PRKCA: variants seen among roughly 807,000 people sequenced by gnomAD.
The protein encoded by PRKCA is protein kinase C alpha, also known as protein kinase C alpha type.
A neutral mutation model predicts 87.0 loss-of-function variants in PRKCA; 27 were observed. The ratio of observed to expected loss-of-function variants is 0.31; its 90% confidence interval spans 0.23 to 0.43. PRKCA has a LOEUF of 0.43. Ranked by LOEUF, PRKCA falls within the 20% of genes least tolerant of loss-of-function variation. The probability of loss-of-function intolerance (pLI) is 1.00; values close to 1 mark genes in which losing one functional copy is unlikely to be tolerated. For synonymous variants in PRKCA, 329 were observed against 311.1 expected, an observed-to-expected ratio of 1.06 and a Z score of -0.61; for missense variants, 518 against 852.3, an observed-to-expected ratio of 0.61 and a Z score of 4.88.
At chr17:66,452,015 A>C (rs1011714232) in intron 2 of PRKCA, among the ~76,000 whole-genome samples, 5 of 152,198 alleles carry the variant, frequency 3.3e-5, no homozygotes, top group Non-Finnish European at 7.3e-5. Flanking sequence ...TTCCTCTACC[A>C]CAGCCTCCAG....
At chr17:66,435,421 G>A (rs370342612) in intron 2 of PRKCA, among the ~76,000 whole-genome samples, 3 of 152,346 alleles carry the variant, frequency 2.0e-5, no homozygotes, top group African/African-American at 4.8e-5. Flanking sequence ...GCGTTTTGTC[G>A]TGTGGGTGTG....
At chr17:66,620,316 T>C (rs1466976222) in intron 3 of PRKCA, among the ~76,000 whole-genome samples, 2 of 152,096 alleles carry the variant, frequency 1.3e-5, no homozygotes, top group African/African-American at 4.8e-5. Flanking sequence ...ACCAAAAACC[T>C]CCATTTCCAC....
intron 13 of PRKCA, among the ~76,000 whole-genome samples, chr17:66,749,367 C>T (rs1184059139): frequency 3.3e-5 from 5 of 151,940 alleles, no homozygotes; most frequent in African/African-American, 1.2e-4. Context: ...CCTCTCCATC[C>T]TCAGGCCAGT....
intron 3 of PRKCA, among the ~76,000 whole-genome samples, chr17:66,533,210 T>A (rs1396512024): frequency 6.6e-6 from 1 of 152,216 alleles, no homozygotes; most frequent in Non-Finnish European, 1.5e-5. Context: ...CCCCTTTTTA[T>A]AAATTTCATG....
intron 5 of PRKCA, among the ~76,000 whole-genome samples, chr17:66,685,166 A>AT (rs1387753382): frequency 6.6e-6 from 1 of 151,994 alleles, no homozygotes; most frequent in African/African-American, 2.4e-5. Flanking sequence ...CCATGGATTT[A>AT]TTTTTTCATT....
At chr17:66,688,466 T>C in intron 7 of PRKCA, 30 bp downstream of exon 7, 7 of 1,613,580 alleles carry the variant, frequency 4.3e-6, no homozygotes, top group Non-Finnish European at 5.9e-6. Flanking sequence ...TGAGTATGTC[T>C]CAAAGCATCA....
intron 5 of PRKCA, among the ~76,000 whole-genome samples, chr17:66,649,965 G>A (rs762397726): frequency 6.6e-6 from 1 of 152,184 alleles, no homozygotes; most frequent in Non-Finnish European, 1.5e-5. Context: ...GATTGAGAGA[G>A]TCAGAGGGCT....
intron 2 of PRKCA, among the ~76,000 whole-genome samples, chr17:66,418,918 A>AT (rs34806174): frequency 0.12 from 16,670 of 141,488 alleles, 1,139 homozygotes; most frequent in East Asian, 0.22. Flanking sequence ...CGCCCGGCTA[A>AT]TTTTTTTTTT....
At chr17:66,652,877 C>G (rs575110099) in intron 5 of PRKCA, among the ~76,000 whole-genome samples, 1 of 152,354 alleles carries the variant, frequency 6.6e-6, no homozygotes, top group Admixed American at 6.5e-5. Flanking sequence ...TGTCCATGGC[C>G]ACCAACGCCT....
At chr17:66,681,501 A>G (rs1972492008) in intron 5 of PRKCA, among the ~76,000 whole-genome samples, 1 of 152,164 alleles carries the variant, frequency 6.6e-6, no homozygotes, top group African/African-American at 2.4e-5. Flanking sequence ...TGCTTCTTTA[A>G]CACTACCATT....
intron 3 of PRKCA, among the ~76,000 whole-genome samples, chr17:66,555,987 C>CT (rs200704211): frequency 8.1e-4 from 122 of 149,790 alleles, no homozygotes; most frequent in African/African-American, 2.4e-3. Flanking sequence ...TCCTCTACTA[C>CT]TTTTTTTTTT....
At position 66,342,618 on chromosome 17, in the gene PRKCA, A is replaced by T. The variant is rs906625576; in HGVS notation, c.205+36491A>T. Among the ~76,000 whole-genome samples the T allele has an allele frequency of 2.6e-5, 4 of 152,120 alleles. No homozygotes were observed. The South Asian group carries it at 8.3e-4, about 32-fold the overall frequency. ...CAAAGTTATACACCTAGAAACTATA[A>T]AAATAGTGTAACAGAGCCAAAGTCT... On this transcript the variant is annotated intron_variant, in intron 2 of 16. Transcript: ENST00000413366.
chr17:66,382,649 A>G (rs541500595), intron 2 of PRKCA, among the ~76,000 whole-genome samples: 1 of 152,186 alleles, frequency 6.6e-6, no homozygotes, highest in Admixed American at 6.5e-5. Context: ...GACAGAAAAA[A>G]TAGGGAGTAG....
intron 2 of PRKCA, among the ~76,000 whole-genome samples, chr17:66,329,059 TG>T (rs1460314332): frequency 2.6e-5 from 4 of 152,126 alleles, no homozygotes; most frequent in African/African-American, 9.7e-5. Flanking sequence ...TAACTAGAAG[TG>T]GGCAAGAATG....
chr17:66,403,273 C>G (rs1290394768), intron 2 of PRKCA, among the ~76,000 whole-genome samples: 1 of 152,090 alleles, frequency 6.6e-6, no homozygotes. Flanking sequence ...TGAAATATAC[C>G]TGGTTTCCAA....
intron 5 of PRKCA, among the ~76,000 whole-genome samples, chr17:66,670,972 G>T (rs1330088600): frequency 1.3e-5 from 2 of 151,966 alleles, no homozygotes; most frequent in Non-Finnish European, 2.9e-5. Context: ...AGCACTTTGG[G>T]AGGCCGAGGT....
rs182554720 is a variant in PRKCA at position 66,491,171 on chromosome 17, C to A, written c.206-5030C>A. On this transcript the variant is annotated intron_variant, in intron 2 of 16. Coordinates refer to ENST00000413366, the MANE Select transcript of PRKCA (RefSeq NM_002737.3). ...TCGTCCGTCACTGCTGGGGAGCAGA[C>A]AAATATCACATAGAGGATTAGAGAA... Among the ~76,000 whole-genome samples the A allele has an allele frequency of 2.6e-3, 396 of 152,218 alleles. 7 individuals are homozygous for A. Among genetic ancestry groups the A allele is most frequent in the Non-Finnish European group, 6.6e-4 (45 of 68,030 alleles).
chr17:66,489,650 C>T (rs1002561912), intron 2 of PRKCA, among the ~76,000 whole-genome samples: 3 of 151,928 alleles, frequency 2.0e-5, no homozygotes, highest in Middle Eastern at 3.2e-3. Flanking sequence ...CCCTTTGTCT[C>T]CACTTTATGC....
intron 3 of PRKCA, among the ~76,000 whole-genome samples, chr17:66,637,842 C>T (rs76199497): frequency 0.053 from 8,112 of 152,240 alleles, 286 homozygotes; most frequent in Admixed American, 0.077. Context: ...TGGGAAAGGA[C>T]TAAGTACTAT....
Sources: gnomAD v4.1 joint callset for allele counts (sites outside exome capture counted in the v4.1 genomes callset) on GRCh38, gnomAD v4.1.1 for gene constraint, MANE v1.5 for transcripts, NCBI Gene and HGNC (gene_info 2026-07-23, HGNC 2026-07-21) for gene names.